Variants in TTC28 observed in about 807,000 individuals in gnomAD.
TTC28 encodes tetratricopeptide repeat protein 28.
In TTC28, 61 loss-of-function variants were observed where a neutral mutation model predicts 198.0. The ratio of observed to expected loss-of-function variants is 0.31; its 90% CI spans 0.25 to 0.38. TTC28 has a LOEUF of 0.38. TTC28 is among the 10% of genes least tolerant of loss of function. The probability of loss-of-function intolerance (pLI) is 1.00; values close to 1 mark genes in which losing one functional copy is unlikely to be tolerated. For missense variants in TTC28, 2,678 were observed against 3,164.0 expected, an observed-to-expected ratio of 0.85 and a Z score of 3.69; for synonymous variants, 1,171 against 1,297.8, an observed-to-expected ratio of 0.90 and a Z score of 2.10.
chr22:27,992,270 C>T lies in TTC28; in HGVS notation c.5553+317G>A, dbSNP rs116419086. 9.9e-4 allele frequency among the ~76,000 whole-genome samples: 151 copies of T among 152,312 alleles called. 1 individual carries two copies. Among genetic ancestry groups the T allele is most frequent in the African/African-American group, 3.4e-3 (142 of 41,570 alleles). Reference sequence around the variant, plus strand: ...CACCCAGCTTCACCCTGGGGTTGGCCGCACAGCTTCATCAGGGCCACAGCT... The same window carrying T: ...CACCCAGCTTCACCCTGGGGTTGGCTGCACAGCTTCATCAGGGCCACAGCT... On this transcript the variant is annotated intron_variant, in intron 19 of 22. Coordinates refer to ENST00000397906, the MANE Select transcript of TTC28 (RefSeq NM_001145418.2).
At chr22:28,054,559 T>C (rs948113009) in intron 12 of TTC28, among the ~76,000 whole-genome samples, 1 of 151,496 alleles carries the variant, frequency 6.6e-6, no homozygotes, top group Non-Finnish European at 1.5e-5. Context: ...AGAGAGGGAG[T>C]GGTGATGGCT....
intron 2 of TTC28, among the ~76,000 whole-genome samples, chr22:28,354,339 T>A (rs1275255066): frequency 6.6e-6 from 1 of 152,022 alleles, no homozygotes; most frequent in Non-Finnish European, 1.5e-5. Context: ...GAAATATTAT[T>A]CAGCCAAAAA....
chr22:28,132,194 T>C (rs1048883008), intron 6 of TTC28, among the ~76,000 whole-genome samples: 10 of 152,360 alleles, frequency 6.6e-5, no homozygotes, highest in Non-Finnish European at 1.0e-4. Context: ...TGAATTGCTA[T>C]AGATACATAT....
At chr22:28,259,743 T>TA (rs1247810314) in intron 5 of TTC28, among the ~76,000 whole-genome samples, 10 of 152,296 alleles carry the variant, frequency 6.6e-5, no homozygotes, top group Middle Eastern at 6.8e-3. Context: ...AGAACAGCTA[T>TA]AATGGAAATG....
At chr22:28,257,818 G>T (rs1418074173) in intron 5 of TTC28, among the ~76,000 whole-genome samples, 7 of 129,160 alleles carry the variant, frequency 5.4e-5, no homozygotes, top group Non-Finnish European at 1.6e-5. Flanking sequence ...AGAAAAAACA[G>T]CTTTGTCACA....
chr22:28,083,215 G>A (rs1941430673), intron 12 of TTC28, among the ~76,000 whole-genome samples: 1 of 152,054 alleles, frequency 6.6e-6, no homozygotes, highest in South Asian at 2.1e-4. Context: ...AGATATAGAT[G>A]TTCATTGACA....
intron 2 of TTC28, among the ~76,000 whole-genome samples, chr22:28,565,366 G>A (rs766194606): frequency 6.6e-6 from 1 of 152,154 alleles, no homozygotes; most frequent in Non-Finnish European, 1.5e-5. Flanking sequence ...TACTTAGAGT[G>A]TTTAGTCCTG....
intron 5 of TTC28, among the ~76,000 whole-genome samples, chr22:28,167,285 T>A (rs912788167): frequency 5.9e-4 from 90 of 152,190 alleles, no homozygotes; most frequent in African/African-American, 2.0e-3. Context: ...ACCATTCCAA[T>A]CAATAGAAAA....
intron 8 of TTC28, among the ~76,000 whole-genome samples, chr22:28,102,083 C>T (rs1299562788): frequency 6.6e-6 from 1 of 152,166 alleles, no homozygotes; most frequent in Non-Finnish European, 1.5e-5. Context: ...ACTTATCTAA[C>T]CTGATTCTTT....
At position 28,649,965 on chromosome 22, in the gene TTC28, T is replaced by C. The variant is rs139372958; in HGVS notation, c.103-20135A>G. ...TATTGGTACTGTCACACCTTCTTTTTTTGATAGGCTTTGTGAGAGGGGAAC... is the reference window on the plus strand; with the variant it reads ...TATTGGTACTGTCACACCTTCTTTTCTTGATAGGCTTTGTGAGAGGGGAAC... On this transcript the variant is annotated intron_variant, in intron 1 of 22. Coordinates refer to ENST00000397906, the MANE Select transcript of TTC28 (RefSeq NM_001145418.2). Among the ~76,000 whole-genome samples, 14 of 152,298 alleles carry C rather than the reference T, an allele frequency of 9.2e-5. No individual in the cohort carries two copies. The East Asian group carries it at 2.5e-3, about 27-fold the overall frequency.
intron 2 of TTC28, among the ~76,000 whole-genome samples, chr22:28,611,985 T>A (rs1459233247): frequency 6.6e-6 from 1 of 152,062 alleles, no homozygotes; most frequent in Non-Finnish European, 1.5e-5. Context: ...AAGATTAACC[T>A]TAAATGTAAA....
chr22:28,312,162 T>G lies in TTC28; in HGVS notation c.382-5519A>C, dbSNP rs5997353. 2.9e-3 allele frequency among the ~76,000 whole-genome samples: 439 copies of G among 152,174 alleles called. 1 individual carries two copies. Among genetic ancestry groups the G allele is most frequent in the African/African-American group, 9.4e-3 (390 of 41,520 alleles). On this transcript the variant is annotated intron_variant, in intron 2 of 22. Coordinates refer to ENST00000397906, the MANE Select transcript of TTC28 (RefSeq NM_001145418.2). ...AAGGGATCAATTCAACAAGAAGAGC[T>G]AACTATCCTAAATATATATGCAACC... is the stretch of plus-strand genomic sequence containing the variant.
chr22:27,989,667 C>CA (rs1017184450), intron 21 of TTC28, among the ~76,000 whole-genome samples: 6 of 152,070 alleles, frequency 3.9e-5, no homozygotes, highest in Non-Finnish European at 8.8e-5. Context: ...AGGCTGGACT[C>CA]AAACACCTGG....
chr22:27,996,069 C>T (rs1216322149), intron 17 of TTC28, 66 bp downstream of exon 17: 12 of 1,506,762 alleles, frequency 8.0e-6, no homozygotes, highest in Non-Finnish European at 9.7e-6. Flanking sequence ...TAGGGAAACC[C>T]TTGCCTTCCC....
chr22:28,118,747 ATTTC>A (rs1229515360), intron 6 of TTC28, among the ~76,000 whole-genome samples: 2 of 152,124 alleles, frequency 1.3e-5, no homozygotes, highest in Non-Finnish European at 2.9e-5. Context: ...ACATGACTAT[ATTTC>A]TTTCTTTGCT....
chr22:28,312,944 A>G (rs1382619239), intron 2 of TTC28, among the ~76,000 whole-genome samples: 2 of 152,178 alleles, frequency 1.3e-5, no homozygotes, highest in Non-Finnish European at 2.9e-5. Context: ...AAAAAGATCA[A>G]CAAAATAGAT....
chr22:28,669,969 C>T (rs1440445472), intron 1 of TTC28, among the ~76,000 whole-genome samples: 1 of 150,122 alleles, frequency 6.7e-6, no homozygotes, highest in South Asian at 2.1e-4. Context: ...ACAGTATATA[C>T]TCTATTATAT....
intron 2 of TTC28, among the ~76,000 whole-genome samples, chr22:28,341,109 A>G (rs1438484696): frequency 6.6e-6 from 1 of 152,244 alleles, no homozygotes; most frequent in African/African-American, 2.4e-5. Context: ...AGATGCATCT[A>G]TCTCTAAGGT....
rs935985926 is a variant in TTC28 at position 28,173,758 on chromosome 22, A to G, written c.934-10159T>C. Among the ~76,000 whole-genome samples the G allele has an allele frequency of 1.8e-4, 27 of 152,210 alleles. 1 individual carries two copies. The highest frequency in any genetic ancestry group is 1.6e-3 in the Admixed American group (24 of 15,278). ...TAGTTTGAGAAATAAAGTTTAAACTACCCAAACTATAACCACATCGATGAC... is the reference window on the plus strand; with the variant it reads ...TAGTTTGAGAAATAAAGTTTAAACTGCCCAAACTATAACCACATCGATGAC... On this transcript the variant is annotated intron_variant, in intron 5 of 22. Coordinates refer to ENST00000397906, the MANE Select transcript of TTC28 (RefSeq NM_001145418.2).
Sources: gnomAD v4.1 joint callset for allele counts (sites outside exome capture counted in the v4.1 genomes callset) on GRCh38, gnomAD v4.1.1 for gene constraint, MANE v1.5 for transcripts, NCBI Gene and HGNC (gene_info 2026-07-23, HGNC 2026-07-21) for gene names.